ADGRL3: variants seen among roughly 807,000 people sequenced by gnomAD.
The protein encoded by ADGRL3 is calcium-independent alpha-latrotoxin receptor 3.
Under a neutral mutation model 153.5 loss-of-function variants are expected in ADGRL3, and 62 were observed. The ratio of observed to expected loss-of-function variants is 0.40; its 90% CI spans 0.33 to 0.50. The LOEUF (loss-of-function observed/expected upper bound fraction) is 0.50. Ranked by LOEUF, ADGRL3 falls within the 20% of genes least tolerant of loss-of-function variation. The pLI is 0.47. For synonymous variants in ADGRL3, 710 were observed against 672.5 expected, an observed-to-expected ratio of 1.06 and a Z score of -0.86; for missense variants, 1,641 against 1,859.4, an observed-to-expected ratio of 0.88 and a Z score of 2.16.
At chr4:61,874,789 C>CTTTTTTTTTTTT (rs11432355) in intron 9 of ADGRL3, among the ~76,000 whole-genome samples, 2 of 61,518 alleles carry the variant, frequency 3.3e-5, no homozygotes, top group Non-Finnish European at 2.9e-5. Context: ...TCAAAATGCT[C>CTTTTTTTTTTTT]TTTTTTTTTT....
At chr4:61,849,195 G>C (rs1243034268) in intron 9 of ADGRL3, among the ~76,000 whole-genome samples, 1 of 151,970 alleles carries the variant, frequency 6.6e-6, no homozygotes, top group Non-Finnish European at 1.5e-5. Flanking sequence ...TGCTCTATTT[G>C]AAATTGTTCT....
intron 8 of ADGRL3, among the ~76,000 whole-genome samples, chr4:61,766,228 TG>T (rs1260053035): frequency 2.0e-5 from 3 of 151,128 alleles, no homozygotes; most frequent in African/African-American, 2.4e-5. Flanking sequence ...CAACAAAGAG[TG>T]GGGTATAGCT....
At chr4:61,735,500 A>G (rs2096496555) in intron 8 of ADGRL3, among the ~76,000 whole-genome samples, 1 of 152,184 alleles carries the variant, frequency 6.6e-6, no homozygotes, top group Non-Finnish European at 1.5e-5. Flanking sequence ...ACTGCATTCT[A>G]CAGTTTAAAA....
intron 1 of ADGRL3, among the ~76,000 whole-genome samples, chr4:61,260,177 C>T (rs2092392358): frequency 6.6e-6 from 1 of 152,038 alleles, no homozygotes; most frequent in Non-Finnish European, 1.5e-5. Context: ...ATATATGAAA[C>T]ATTTGAAGGG....
intron 1 of ADGRL3, among the ~76,000 whole-genome samples, chr4:61,295,071 G>A (rs1435039516): frequency 2.6e-5 from 4 of 152,074 alleles, no homozygotes; most frequent in Non-Finnish European, 4.4e-5. Context: ...CCTGAGTAGT[G>A]TGATGAAATC....
chr4:61,454,834 A>G (rs1251398192), intron 2 of ADGRL3, among the ~76,000 whole-genome samples: 1 of 152,040 alleles, frequency 6.6e-6, no homozygotes, highest in Non-Finnish European at 1.5e-5. Flanking sequence ...TTTTTCCTTA[A>G]TTTACAAATG....
intron 19 of ADGRL3, among the ~76,000 whole-genome samples, chr4:61,985,712 A>G (rs1247017328): frequency 6.6e-6 from 1 of 152,194 alleles, no homozygotes; most frequent in Non-Finnish European, 1.5e-5. Context: ...TGCTATTTTA[A>G]GCACCAACAA....
rs191078551 is a variant in ADGRL3, at chr4:61,986,279, C to A, written c.3236+2676C>A. On this transcript the variant is annotated intron_variant, in intron 19 of 26. Coordinates refer to ENST00000683033, the MANE Select transcript of ADGRL3 (RefSeq NM_001387552.1). ...ATTGTTGCTAAGTAGCTCCATTTTGCTCTCTTGAAGTTCCAAATTACATTT... is the reference window on the plus strand; with the variant it reads ...ATTGTTGCTAAGTAGCTCCATTTTGATCTCTTGAAGTTCCAAATTACATTT... Among the ~76,000 whole-genome samples the A allele has an allele frequency of 2.5e-3, 385 of 152,248 alleles. 2 individuals carry two copies. Among genetic ancestry groups the A allele is most frequent in the African/African-American group, 8.7e-3 (360 of 41,556 alleles).
intron 1 of ADGRL3, among the ~76,000 whole-genome samples, chr4:61,207,561 C>T (rs1355791622): frequency 6.6e-6 from 1 of 152,124 alleles, no homozygotes; most frequent in Non-Finnish European, 1.5e-5. Context: ...TGGGTATATA[C>T]CCAGTAATGA....
intron 6 of ADGRL3, among the ~76,000 whole-genome samples, chr4:61,678,149 G>T (rs2095252734): frequency 6.6e-6 from 1 of 151,740 alleles, no homozygotes; most frequent in African/African-American, 2.4e-5. Context: ...GACGATTATT[G>T]TTCACTAGTG....
chr4:61,962,453 C>G (rs938392917), intron 17 of ADGRL3, among the ~76,000 whole-genome samples: 1 of 150,510 alleles, frequency 6.6e-6, no homozygotes, highest in South Asian at 2.1e-4. Flanking sequence ...AAGGATCATA[C>G]GTTGCCTTCA....
chr4:61,962,161 C>T (rs1560436055), intron 17 of ADGRL3, among the ~76,000 whole-genome samples: 1 of 151,802 alleles, frequency 6.6e-6, no homozygotes, highest in Non-Finnish European at 1.5e-5. Context: ...ATTGCTTGAA[C>T]CTGGGAGGCA....
rs140129816 is a variant in ADGRL3 at position 61,865,514 on chromosome 4, C to T, written c.1481-27142C>T. The stretch of plus-strand genomic sequence containing the variant: ...TTATTCTGACTGTACCATATGCTTT[C>T]GTTGCCCATATAGCTCCTCCTTTGC... On this transcript the variant is annotated intron_variant, in intron 9 of 26. Transcript: ENST00000683033. Among the ~76,000 whole-genome samples, 37 of 152,272 alleles carry T rather than the reference C, an allele frequency of 2.4e-4. 1 individual carries two copies. Among genetic ancestry groups the T allele is most frequent in the African/African-American group, 7.2e-4 (30 of 41,554 alleles).
chr4:61,467,701 T>C (rs2152659811), intron 2 of ADGRL3, among the ~76,000 whole-genome samples: 1 of 152,274 alleles, frequency 6.6e-6, no homozygotes, highest in African/African-American at 2.4e-5. Flanking sequence ...TGATACCTTA[T>C]TATCCTGTTT....
chr4:61,699,868 A>G (rs926363627), intron 6 of ADGRL3, among the ~76,000 whole-genome samples: 2 of 152,068 alleles, frequency 1.3e-5, no homozygotes, highest in East Asian at 1.9e-4. Context: ...TTGGAAAAAA[A>G]GTACTATGGA....
intron 1 of ADGRL3, among the ~76,000 whole-genome samples, chr4:61,349,477 ATC>A (rs1399768141): frequency 2.6e-5 from 4 of 152,062 alleles, no homozygotes; most frequent in African/African-American, 9.7e-5. Context: ...TTAGCAATAA[ATC>A]TCTCTTTCCT....
chr4:61,928,186 T>G (rs1321824641), intron 13 of ADGRL3, among the ~76,000 whole-genome samples: 1 of 152,094 alleles, frequency 6.6e-6, no homozygotes, highest in Non-Finnish European at 1.5e-5. Context: ...TCAAAAGAGT[T>G]TAAGCAATTC....
At chr4:61,334,961 T>C (rs963275996) in intron 1 of ADGRL3, among the ~76,000 whole-genome samples, 47 of 152,234 alleles carry the variant, frequency 3.1e-4, no homozygotes, top group Admixed American at 1.3e-3. Flanking sequence ...TAAAATACTT[T>C]CTTCCTCATT....
At chr4:61,330,875 C>A (rs2095558828) in intron 1 of ADGRL3, among the ~76,000 whole-genome samples, 1 of 152,086 alleles carries the variant, frequency 6.6e-6, no homozygotes, top group South Asian at 2.1e-4. Context: ...ATTTACAATC[C>A]TTTAGCTAGA....
Sources: allele counts gnomAD v4.1 joint callset (sites outside exome capture counted in the v4.1 genomes callset), GRCh38; gene constraint gnomAD v4.1.1; transcripts MANE v1.5; gene names NCBI Gene and HGNC (gene_info 2026-07-23, HGNC 2026-07-21).